The following PHACTR4 variants were observed in gnomAD, a reference collection of about 807,000 sequenced individuals.
PHACTR4 encodes the protein phosphatase and actin regulator 4.
PHACTR4 carries 51 observed loss-of-function variants against 72.7 expected under a neutral mutation model. The ratio of observed to expected loss-of-function variants is 0.70; its 90% CI spans 0.56 to 0.89. The LOEUF is 0.89. Ranked by LOEUF, PHACTR4 falls within the 40% of genes least tolerant of loss-of-function variation. The pLI, the probability that PHACTR4 is intolerant of heterozygous loss-of-function variation, is 0.00. For missense variants in PHACTR4, 731 were observed against 861.8 expected (o/e 0.85, Z 1.90); for synonymous variants, 255 against 302.5 (o/e 0.84, Z 1.63).
intron 2 of PHACTR4, among the ~76,000 whole-genome samples, chr1:28,458,216 A>G (rs1415027671): frequency 2.7e-5 from 4 of 150,726 alleles, no homozygotes; most frequent in East Asian, 1.9e-4. Flanking sequence ...ATCACAGCCA[A>G]CTGCAGCATT....
At chr1:28,466,297 G>T in intron 5 of PHACTR4, 85 bp from the exon 6 acceptor site, 1 of 1,418,320 alleles carries the variant, frequency 7.1e-7, no homozygotes, top group Non-Finnish European at 9.6e-7. Context: ...GGTGAAATTG[G>T]CCACAAATTC....
At chr1:28,375,284 G>A (rs1276766452) in intron 1 of PHACTR4, among the ~76,000 whole-genome samples, 3 of 151,344 alleles carry the variant, frequency 2.0e-5, no homozygotes, top group African/African-American at 4.9e-5. Flanking sequence ...GGGTGACAGA[G>A]CAAGATTCCA....
At position 28,396,662 on chromosome 1, in the gene PHACTR4, C is replaced by CT. The variant is rs1332701722; in HGVS notation, c.-38-10735dup. ...TTTCTTAATTTTCTCTAGTGATGTGCTTTTTTTTTTTTTGAGACGGTGTTT... is the reference window on the plus strand; with the variant it reads ...TTTCTTAATTTTCTCTAGTGATGTGCTTTTTTTTTTTTTTGAGACGGTGTTT... On this transcript the variant is annotated intron_variant, in intron 1 of 13. Transcript: ENST00000373839. 3.1e-3 allele frequency among the ~76,000 whole-genome samples: 438 copies of CT among 141,176 alleles called. 2 individuals carry two copies. The highest frequency in any genetic ancestry group is 4.9e-3 in the Non-Finnish European group (318 of 64,428). The allele number at this position is 141,176 out of a possible 152,430, so 92.6% of individuals were successfully genotyped here.
chr1:28,448,426 A>AAAAGGAAAGGAAAGG (rs77755219), intron 2 of PHACTR4, among the ~76,000 whole-genome samples: 3 of 148,066 alleles, frequency 2.0e-5, no homozygotes, highest in African/African-American at 7.6e-5. Context: ...GGGGAAAGGA[A>AAAAGGAAAGGAAAGG]AAAGGAAAGG....
chr1:28,487,724 G>GTTGTT (rs1660773083), intron 9 of PHACTR4, among the ~76,000 whole-genome samples: 1 of 71,468 alleles, frequency 1.4e-5, no homozygotes, highest in African/African-American at 5.7e-5. Flanking sequence ...GTAGTTTTTT[G>GTTGTT]TTGTTTTTTT....
At position 28,496,595 on chromosome 1, in the gene PHACTR4, C is replaced by CAGA; in HGVS notation, c.*46_*47insAGA. ...ATCAACATGGCTGCTTTGCTGCTTCCTTCTCCAAAGTGACATATGGAGGGA... is the reference window on the plus strand; with the variant it reads ...ATCAACATGGCTGCTTTGCTGCTTCCAGATTCTCCAAAGTGACATATGGAGGGA... On this transcript the variant is annotated 3_prime_UTR_variant, in exon 14 of 14. Coordinates refer to ENST00000373839, the MANE Select transcript of PHACTR4 (RefSeq NM_001048183.3). 9 of 1,609,440 alleles carry CAGA rather than the reference C, an allele frequency of 5.6e-6. No individual in the cohort carries two copies. The highest frequency in any genetic ancestry group is 7.6e-6 in the Non-Finnish European group (9 of 1,176,792).
chr1:28,483,389 G>A (rs1345611828), intron 9 of PHACTR4, among the ~76,000 whole-genome samples: 1 of 151,910 alleles, frequency 6.6e-6, no homozygotes, highest in African/African-American at 2.4e-5. Flanking sequence ...CAAGACTGCA[G>A]TGAGCTGTGC....
At position 28,459,179 on chromosome 1, in the gene PHACTR4, C is replaced by T; in HGVS notation, c.111C>T (p.Phe37=). Residue 37 remains phenylalanine, a synonymous_variant, in exon 3 of 14, where the codon TTC becomes TTT. Coordinates refer to ENST00000373839, the MANE Select transcript of PHACTR4 (RefSeq NM_001048183.3). ...TTPPTKRKSK[F]SGFGKIFKPW... ...CTCCTACCAAAAGGAAGAGCAAGTT[C>T]TCAGGCTTTGGCAAGATCTTCAAGC... 6 of 1,613,694 alleles carry T rather than the reference C, an allele frequency of 3.7e-6. No homozygotes were observed. Among genetic ancestry groups the T allele is most frequent in the East Asian group, 2.2e-5 (1 of 44,860 alleles).
At chr1:28,397,064 A>G (rs780634996) in intron 1 of PHACTR4, among the ~76,000 whole-genome samples, 1 of 152,018 alleles carries the variant, frequency 6.6e-6, no homozygotes, top group East Asian at 1.9e-4. Context: ...GCCAATGTAA[A>G]TTTAGGTTTC....
chr1:28,438,495 T>G lies in PHACTR4; in HGVS notation c.17-20590T>G, dbSNP rs551122282. 220 of 1,566,300 alleles carry G rather than the reference T, an allele frequency of 1.4e-4. 1 individual carries two copies. The South Asian group carries it at 2.3e-3, about 16-fold the overall frequency. On this transcript the variant is annotated intron_variant, in intron 2 of 13. Coordinates refer to ENST00000373839, the MANE Select transcript of PHACTR4 (RefSeq NM_001048183.3). ...AAGCAAGGCAGATTTACAGGTGAAC[T>G]TGAGTATTTATGTGAAGTTAAACAC...
At chr1:28,412,894 T>C (rs930345313) in intron 2 of PHACTR4, among the ~76,000 whole-genome samples, 3 of 152,168 alleles carry the variant, frequency 2.0e-5, no homozygotes, top group African/African-American at 7.2e-5. Flanking sequence ...GACAGAAATA[T>C]GGTCAGAGGG....
chr1:28,375,658 C>T (rs1651599503), intron 1 of PHACTR4, among the ~76,000 whole-genome samples: 1 of 152,120 alleles, frequency 6.6e-6, no homozygotes, highest in South Asian at 2.1e-4. Context: ...CACACTACAG[C>T]CTGTGTGGCA....
intron 1 of PHACTR4, among the ~76,000 whole-genome samples, chr1:28,388,596 A>G (rs2124180333): frequency 6.6e-6 from 1 of 152,324 alleles, no homozygotes; most frequent in South Asian, 2.1e-4. Context: ...TCACGCCTGT[A>G]ATCCCAGCAC....
chr1:28,370,313 A>G (rs1027804724), intron 1 of PHACTR4, among the ~76,000 whole-genome samples: 11 of 152,118 alleles, frequency 7.2e-5, no homozygotes, highest in Admixed American at 7.2e-4. Context: ...GAGTTTCTGT[A>G]AAAACCTGGA....
Position 28,474,132 on chromosome 1 carries a change from A to C in PHACTR4, c.1402A>C (p.Thr468Pro). The C allele has an allele frequency of 6.2e-7, 1 of 1,611,642 alleles. No homozygotes were observed. Among genetic ancestry groups the C allele is most frequent in the Non-Finnish European group, 8.5e-7 (1 of 1,178,712 alleles). Residue 468 changes from threonine to proline, a missense_variant, in exon 7 of 14, where the codon ACT becomes CCT. Physicochemically the swap from Thr to Pro is conservative, Grantham distance 38. Coordinates refer to ENST00000373839, the MANE Select transcript of PHACTR4 (RefSeq NM_001048183.3). ...GGGTCGGACCAGGTCTCTTCCCATC[A>C]CTATTGAAATGCTAAAAGTGTAAGT... ...TLGRTRSLPI[T>P]IEMLKVPDDE...
At chr1:28,450,077 G>A (rs540492653) in intron 2 of PHACTR4, among the ~76,000 whole-genome samples, 196 of 152,040 alleles carry the variant, frequency 1.3e-3, no homozygotes, top group African/African-American at 4.6e-3. Flanking sequence ...TACTCAAACA[G>A]GAAACTCCAA....
chr1:28,410,483 A>T (rs889263026), intron 2 of PHACTR4, among the ~76,000 whole-genome samples: 1 of 152,178 alleles, frequency 6.6e-6, no homozygotes, highest in Non-Finnish European at 1.5e-5. Flanking sequence ...CCTAAATTTT[A>T]ATATAATCTT....
intron 6 of PHACTR4, among the ~76,000 whole-genome samples, chr1:28,468,995 C>A (rs957951102): frequency 1.2e-4 from 19 of 152,084 alleles, no homozygotes; most frequent in Admixed American, 7.9e-4. Context: ...AAACAATAGA[C>A]CTTGTAACTG....
intron 1 of PHACTR4, among the ~76,000 whole-genome samples, chr1:28,401,641 T>C (rs781493946): frequency 2.0e-5 from 3 of 152,116 alleles, no homozygotes; most frequent in Non-Finnish European, 4.4e-5. Context: ...GGTCTGGCTC[T>C]GTTGCCCATG....
Sources: allele counts gnomAD v4.1 joint callset (sites outside exome capture counted in the v4.1 genomes callset), GRCh38; gene constraint gnomAD v4.1.1; transcripts MANE v1.5; gene names NCBI Gene and HGNC (gene_info 2026-07-23, HGNC 2026-07-21).